RSF1: variants seen among roughly 807,000 people sequenced by gnomAD.
The protein encoded by RSF1 is HBV pX-associated protein 8.
RSF1 carries 13 observed loss-of-function variants against 145.2 expected under a neutral mutation model. The observed-to-expected ratio is 0.09, with a 90% CI of 0.06 to 0.14. The LOEUF is 0.14. Among genes scored for constraint, RSF1 ranks in the 10% least tolerant of loss-of-function variants. The probability of loss-of-function intolerance (pLI) is 1.00; values close to 1 mark genes in which losing one functional copy is unlikely to be tolerated. For missense variants in RSF1, 1,517 were observed against 1,718.2 expected (o/e 0.88, Z 2.07); for synonymous variants, 577 against 592.6 (o/e 0.97, Z 0.38).
intron 1 of RSF1, among the ~76,000 whole-genome samples, chr11:77,810,858 T>G (rs1401810964): frequency 1.3e-5 from 2 of 152,218 alleles, no homozygotes; most frequent in African/African-American, 4.8e-5. Flanking sequence ...TACACTGGAA[T>G]AAAGATCAGT....
At chr11:77,737,581 A>G (rs1014041037) in intron 4 of RSF1, among the ~76,000 whole-genome samples, 1 of 151,822 alleles carries the variant, frequency 6.6e-6, no homozygotes, top group African/African-American at 2.4e-5. Flanking sequence ...TATCAAAAAC[A>G]AATTTTAACA....
chr11:77,740,705 T>C (rs774625496), intron 4 of RSF1, 26 bp downstream of exon 4: 1 of 1,575,492 alleles, frequency 6.3e-7, no homozygotes, highest in Non-Finnish European at 8.7e-7. Flanking sequence ...CACAAATAAG[T>C]GTAAAAAGGT....
intron 11 of RSF1, among the ~76,000 whole-genome samples, chr11:77,682,046 T>A (rs529858061): frequency 2.6e-5 from 4 of 152,342 alleles, no homozygotes; most frequent in South Asian, 2.1e-4. Context: ...GGTGATTTTT[T>A]AAAAATACAT....
intron 1 of RSF1, among the ~76,000 whole-genome samples, chr11:77,778,188 GT>G (rs1565177633): frequency 2.7e-5 from 1 of 36,604 alleles, no homozygotes; most frequent in African/African-American, 1.6e-4. Context: ...GAGGGGAGGG[GT>G]GGGGGAGGGA....
chr11:77,799,143 T>C (rs2135975488), intron 1 of RSF1, among the ~76,000 whole-genome samples: 1 of 152,044 alleles, frequency 6.6e-6, no homozygotes, highest in East Asian at 1.9e-4. Flanking sequence ...AGGAATGATA[T>C]CTAGAATATA....
intron 6 of RSF1, among the ~76,000 whole-genome samples, chr11:77,699,668 T>C (rs1300703380): frequency 1.3e-5 from 2 of 152,182 alleles, no homozygotes; most frequent in East Asian, 3.9e-4. Context: ...AGATGCTATA[T>C]TAATGGAGCC....
chr11:77,690,172 A>C (rs1017075223), intron 9 of RSF1, among the ~76,000 whole-genome samples: 11 of 128,692 alleles, frequency 8.5e-5, no homozygotes, highest in Middle Eastern at 3.6e-3. Context: ...AAAAAAAAAA[A>C]AAAAAAAACA....
upstream of RSF1, among the ~76,000 whole-genome samples, chr11:77,824,507 C>A (rs2136029276): frequency 6.6e-6 from 1 of 152,224 alleles, no homozygotes; most frequent in South Asian, 2.1e-4. Flanking sequence ...CACAAATATT[C>A]ATCAACAGAA....
chr11:77,688,801 C>G (rs1343400981), intron 9 of RSF1, among the ~76,000 whole-genome samples: 3 of 152,166 alleles, frequency 2.0e-5, no homozygotes, highest in African/African-American at 4.8e-5. Flanking sequence ...TTTCTCAATT[C>G]AAAGTACTTT....
the RSF1 span, among the ~76,000 whole-genome samples, chr11:77,833,003 A>G: frequency 3.0e-5 from 2 of 66,726 alleles, no homozygotes; most frequent in Non-Finnish European, 5.5e-5. Context: ...GTGTGTATAT[A>G]TATATATTTT....
At chr11:77,779,998 A>G (rs1017706719) in intron 1 of RSF1, among the ~76,000 whole-genome samples, 1 of 152,212 alleles carries the variant, frequency 6.6e-6, no homozygotes, top group African/African-American at 2.4e-5. Context: ...TTTGGAAATC[A>G]TCTTTTTATC....
At chr11:77,703,404 T>C (rs1486782740) in intron 5 of RSF1, 7 of 152,172 alleles carry the variant, frequency 4.6e-5, no homozygotes, top group Non-Finnish European at 4.4e-5. Context: ...TGACTACTAA[T>C]TTTACGTACA....
At position 77,734,853 on chromosome 11, in the gene RSF1, G is replaced by A. The variant is rs1196636952; in HGVS notation, c.578+5878C>T. ...CATGCTCCCTCTCCTCATGAGATTG[G>A]TGAAGAAAGTATTTGGCAAAGTTCT... is the stretch of plus-strand genomic sequence containing the variant. On this transcript the variant is annotated intron_variant, in intron 4 of 15. Coordinates refer to ENST00000308488, the MANE Select transcript of RSF1 (RefSeq NM_016578.4). 5 of 1,585,874 alleles carry A rather than the reference G, an allele frequency of 3.2e-6. No individual in the cohort carries two copies. The African/African-American group carries it at 6.7e-5, about 21-fold the overall frequency.
At chr11:77,733,792 G>A (rs1590856848) in intron 4 of RSF1, among the ~76,000 whole-genome samples, 2 of 152,188 alleles carry the variant, frequency 1.3e-5, no homozygotes, top group South Asian at 2.1e-4. Context: ...CAACTGCTGG[G>A]TTCAAGCAAA....
At chr11:77,698,462 T>G in intron 7 of RSF1, 25 bp downstream of exon 7, 1 of 1,602,658 alleles carries the variant, frequency 6.2e-7, no homozygotes, top group East Asian at 2.2e-5. Flanking sequence ...AATATGAGTA[T>G]TCTTCATTTA....
At chr11:77,819,900 C>T (rs915772633) in intron 1 of RSF1, among the ~76,000 whole-genome samples, 1 of 152,022 alleles carries the variant, frequency 6.6e-6, no homozygotes, top group East Asian at 1.9e-4. Flanking sequence ...GAGCAGACCT[C>T]CCCACTTCAA....
chr11:77,764,017 T>C (rs1232988103), intron 2 of RSF1: 1 of 152,188 alleles, frequency 6.6e-6, no homozygotes. Context: ...TGACGGATCA[T>C]CAGTCAGTAG....
chr11:77,820,477 T>TA, intron 1 of RSF1, 51 bp downstream of exon 1: 1 of 1,522,514 alleles, frequency 6.6e-7, no homozygotes, highest in Middle Eastern at 2.3e-4. Flanking sequence ...GAGCGGAGAG[T>TA]AGCAGAGCGC....
At chr11:77,724,601 G>A (rs1264383294) in intron 5 of RSF1, among the ~76,000 whole-genome samples, 2 of 152,184 alleles carry the variant, frequency 1.3e-5, no homozygotes, top group Admixed American at 1.3e-4. Flanking sequence ...CCAACCTTTT[G>A]GCACCAGGAA....
Sources: allele counts gnomAD v4.1 joint callset (sites outside exome capture counted in the v4.1 genomes callset), GRCh38; gene constraint gnomAD v4.1.1; transcripts MANE v1.5; gene names NCBI Gene and HGNC (gene_info 2026-07-23, HGNC 2026-07-21).